The following ZFTA variants were observed in gnomAD, a reference collection of about 807,000 sequenced individuals.
ZFTA encodes the protein zinc finger translocation-associated protein.
A neutral mutation model predicts 41.8 loss-of-function variants in ZFTA; 35 were observed. The observed-to-expected ratio is 0.84, with a 90% CI of 0.64 to 1.11. The LOEUF (loss-of-function observed/expected upper bound fraction) is 1.11, where lower values mean the gene tolerates loss of function less well. ZFTA is among the 50% of genes most tolerant of loss of function. ZFTA has a pLI of 0.00. For missense variants in ZFTA, 964 were observed against 989.8 expected, an observed-to-expected ratio of 0.97 and a Z score of 0.35; for synonymous variants, 514 against 436.4, an observed-to-expected ratio of 1.18 and a Z score of -2.22.
At chr11:63,763,983 T>C in intron 4 of ZFTA, 55 bp downstream of exon 4, 1 of 1,306,260 alleles carries the variant, frequency 7.7e-7, no homozygotes, top group Non-Finnish European at 9.9e-7. Flanking sequence ...CAGTCCCTTC[T>C]GCCCCAGCAA....
At position 63,764,306 on chromosome 11, in the gene ZFTA, G is replaced by A. The variant is rs1246632092; in HGVS notation, c.1317C>T (p.Cys439=). 2.8e-6 allele frequency: 4 copies of A among 1,416,598 alleles called. No homozygotes were observed. Among genetic ancestry groups the A allele is most frequent in the Non-Finnish European group, 2.8e-6 (3 of 1,090,272 alleles). 87.8% of individuals were successfully genotyped at this position (1,416,598 alleles called of 1,614,324 possible). ...AGGCCAGCGCGCCCCCGCACACCCC[G>A]CACACCAGGCCGCGCCGGCCGCCGT... ...ELDGGRRGLV[C]GVCGGALASL... is the part of the protein sequence containing the mutation. Residue 439 remains cysteine (C), a synonymous_variant, in exon 4 of 5, where the codon TGC becomes TGT. Transcript: ENST00000433688.
At position 63,763,690 on chromosome 11, in the gene ZFTA, A is replaced by G; in HGVS notation, c.1765T>C (p.Tyr589His). The part of the protein sequence containing the change: ...RNYQPRWRGE[Y>H]LMDYDGSRRG... ...CGGCTGCCGTCGTAGTCCATCAGGT[A>G]CTCGCCCCGCCACCGCGGCTGGTAG... is the stretch of plus-strand genomic sequence containing the variant. Residue 589 changes from tyrosine to histidine, a missense_variant, in exon 5 of 5, where the codon TAC (tyrosine) becomes CAC (histidine). Coordinates refer to ENST00000433688, the MANE Select transcript of ZFTA (RefSeq NM_001144936.2). 1 of 1,527,842 alleles carries G rather than the reference A, an allele frequency of 6.5e-7. No homozygotes were observed. Among genetic ancestry groups the G allele is most frequent in the Non-Finnish European group, 8.8e-7 (1 of 1,134,610 alleles). The allele number at this position is 1,527,842 out of a possible 1,614,324, so 94.6% of individuals were successfully genotyped here. A position where few individuals can be genotyped will look rare whatever the true frequency, so the allele number is the denominator to read the frequency against.
rs1565058052 is a variant in ZFTA, at chr11:63,763,739, G to A, written c.1716C>T (p.Pro572=). 5 of 1,496,782 alleles carry A rather than the reference G, an allele frequency of 3.3e-6. No individual in the cohort carries two copies. Among genetic ancestry groups the A allele is most frequent in the East Asian group, 2.6e-5 (1 of 38,656 alleles). 92.7% of individuals were successfully genotyped at this position (1,496,782 alleles called of 1,614,324 possible). Reference sequence around the variant, plus strand: ...AGTTCCGCCGCTGCTCCCGGCTGCGGGGCGGGGGCGGAGGCGGGGGAGGAG... The same window carrying A: ...AGTTCCGCCGCTGCTCCCGGCTGCGAGGCGGGGGCGGAGGCGGGGGAGGAG... ...PPPPPPPPPP[P]RSREQRRNYQ... Residue 572 remains proline (P), a synonymous_variant, in exon 5 of 5, where the codon CCC becomes CCT. Transcript: ENST00000433688.
chr11:63,765,566 C>G lies in ZFTA; in HGVS notation c.637+241G>C, dbSNP rs2014731604. On this transcript the variant is annotated intron_variant, in intron 2 of 4. Transcript: ENST00000433688. The surrounding 1 kb of genome is among the most constrained non-coding windows in gnomAD (Gnocchi z 4.0). ...CTCCAAGCCTTTCCACTGCCTGTCACCCAACTTCTCTCCTTGATACTTCAA... is the reference window on the plus strand; with the variant it reads ...CTCCAAGCCTTTCCACTGCCTGTCAGCCAACTTCTCTCCTTGATACTTCAA... Among the ~76,000 whole-genome samples the G allele has an allele frequency of 6.6e-6, 1 of 152,158 alleles. No individual in the cohort carries two copies. Among genetic ancestry groups the G allele is most frequent in the South Asian group, 2.1e-4 (1 of 4,828 alleles).
chr11:63,768,068 G>A (rs1004672987), intron 1 of ZFTA, among the ~76,000 whole-genome samples: 7 of 152,144 alleles, frequency 4.6e-5, no homozygotes, highest in Non-Finnish European at 7.4e-5. Flanking sequence ...GCTCCGCTGG[G>A]GAAAAGCCCC....
Position 63,767,931 on chromosome 11 carries a change from G to T in ZFTA, c.139+553C>A, listed in dbSNP as rs555274747. Among the ~76,000 whole-genome samples the T allele has an allele frequency of 2.0e-5, 3 of 152,300 alleles. No homozygotes were observed. In the South Asian group the frequency reaches 6.2e-4, roughly 32 times the overall value. The stretch of plus-strand genomic sequence containing the variant: ...GTGGGAAAAGATGGTGTGGGCCCCC[G>T]GGGCGCAAGCGATGCACTTTCCTAG... On this transcript the variant is annotated intron_variant, in intron 1 of 4. Coordinates refer to ENST00000433688, the MANE Select transcript of ZFTA (RefSeq NM_001144936.2).
Position 63,761,207 on chromosome 11 carries a change from CAA to C in ZFTA, c.*2209_*2210del, listed in dbSNP as rs1233391343. 6.6e-6 allele frequency: 1 copy of C among 152,204 alleles called. No homozygotes were observed. Among genetic ancestry groups the C allele is most frequent in the African/African-American group, 2.4e-5 (1 of 41,454 alleles). The allele number at this position is 152,204 out of a possible 1,614,324, so 9.4% of individuals were successfully genotyped here. A position where few individuals can be genotyped will look rare whatever the true frequency, so the allele number is the denominator to read the frequency against. On this transcript the variant is annotated 3_prime_UTR_variant, in exon 5 of 5. Coordinates refer to ENST00000433688, the MANE Select transcript of ZFTA (RefSeq NM_001144936.2). The stretch of plus-strand genomic sequence containing the variant: ...TACTGTCTCAAAAACCGTGGAGGTT[CAA>C]ACTCACTGGGAATTTACTTTTCAGT...
rs1438995606 is a variant in ZFTA at position 63,762,633 on chromosome 11, A to C, written c.*785T>G. The C allele has an allele frequency of 1.3e-5, 2 of 152,260 alleles. No homozygotes were observed. The highest frequency in any genetic ancestry group is 2.9e-5 in the Non-Finnish European group (2 of 68,076). 9.4% of individuals were successfully genotyped at this position (152,260 alleles called of 1,614,324 possible). The stretch of plus-strand genomic sequence containing the variant: ...AGGGGTAAGCAGAGACCCTCGGGGC[A>C]AGAGGAGCAAAGGAAAAAAGTGCTA... On this transcript the variant is annotated 3_prime_UTR_variant, in exon 5 of 5. Coordinates refer to ENST00000433688, the MANE Select transcript of ZFTA (RefSeq NM_001144936.2).
In ZFTA at chr11:63,763,852, G is replaced by A; in HGVS notation, c.1603C>T (p.Pro535Ser). The A allele has an allele frequency of 1.4e-6, 2 of 1,428,322 alleles. No individual in the cohort carries two copies. Among genetic ancestry groups the A allele is most frequent in the Non-Finnish European group, 1.8e-6 (2 of 1,091,596 alleles). The allele number at this position is 1,428,322 out of a possible 1,614,324, so 88.5% of individuals were successfully genotyped here. Residue 535 changes from proline to serine, a missense_variant, in exon 5 of 5, where the codon CCT (proline) becomes TCT (serine). Physicochemically the swap from Pro to Ser is moderately conservative, Grantham distance 74. Transcript: ENST00000433688. ...EEEWGDVPLS[P>S]GAPLERPAEE... The stretch of plus-strand genomic sequence containing the variant: ...GCGGGCCGCTCCAAGGGAGCTCCAG[G>A]GGACAGCGGAACGTCGCCTAAGGAG...
In ZFTA at chr11:63,765,118, C is replaced by T; in HGVS notation, c.774G>A (p.Arg258=). 6.5e-6 allele frequency: 10 copies of T among 1,548,034 alleles called. No individual in the cohort carries two copies. The highest frequency in any genetic ancestry group is 2.4e-5 in the East Asian group (1 of 40,830). Reference sequence around the variant, plus strand: ...AGTTCTGCAGGGACTCCTTCAGCCTCCTCTCCAGGCGCCGGGCCCCCAGCC... The same window carrying T: ...AGTTCTGCAGGGACTCCTTCAGCCTTCTCTCCAGGCGCCGGGCCCCCAGCC... ...SRGLGARRLE[R]RLKESLQNWF... The change falls in exon 3 of 5, where the codon AGG becomes AGA. Residue 258 remains arginine (R), a synonymous_variant. Coordinates refer to ENST00000433688, the MANE Select transcript of ZFTA (RefSeq NM_001144936.2). This position sits in a 1 kb window ranked among gnomAD's most constrained non-coding sequence, Gnocchi z 4.0.
At position 63,763,480 on chromosome 11, in the gene ZFTA, G is replaced by A. The variant is rs1243966159; in HGVS notation, c.1975C>T (p.Pro659Ser). Residue 659 changes from proline (P) to serine (S), a missense_variant, in exon 5 of 5, where the codon CCC (proline) becomes TCC (serine). By Grantham distance (74) the Pro-to-Ser change is moderately conservative. Around this residue, in one of 5 missense-constraint regions of ZFTA, gnomAD observed 65 missense variants for 58.9 expected, o/e 1.10. Coordinates refer to ENST00000433688, the MANE Select transcript of ZFTA (RefSeq NM_001144936.2). ...CCGCCGTCACGCGGCGCCGGGGCGGGCGGCCCGAAGCCCTCGTGGCCGTAG... is the reference window on the plus strand; with the variant it reads ...CCGCCGTCACGCGGCGCCGGGGCGGACGGCCCGAAGCCCTCGTGGCCGTAG... ...RCYGHEGFGP[P>S]APAPRDGGAD... 1 of 1,513,278 alleles carries A rather than the reference G, an allele frequency of 6.6e-7. No individual in the cohort carries two copies. Among genetic ancestry groups the A allele is most frequent in the East Asian group, 2.6e-5 (1 of 38,004 alleles). 93.7% of individuals were successfully genotyped at this position (1,513,278 alleles called of 1,614,324 possible).
In ZFTA at chr11:63,761,808, G is replaced by A. The variant is rs1369454123; in HGVS notation, c.*1610C>T. On this transcript the variant is annotated 3_prime_UTR_variant, in exon 5 of 5. Coordinates refer to ENST00000433688, the MANE Select transcript of ZFTA (RefSeq NM_001144936.2). ...GAAGCGTCAAGGGGACTGGGCCTGA[G>A]GCACTTGAACCTTAGGCTCTGGCCT... The A allele has an allele frequency of 1.3e-5, 2 of 152,300 alleles. No individual in the cohort carries two copies. The highest frequency in any genetic ancestry group is 2.4e-5 in the African/African-American group (1 of 41,462). The allele number at this position is 152,300 out of a possible 1,614,324, so 9.4% of individuals were successfully genotyped here. A position where few individuals can be genotyped will look rare whatever the true frequency, so the allele number is the denominator to read the frequency against.
chr11:63,763,410 C>T lies in ZFTA; in HGVS notation c.*8G>A. On this transcript the variant is annotated 3_prime_UTR_variant, in exon 5 of 5. Coordinates refer to ENST00000433688, the MANE Select transcript of ZFTA (RefSeq NM_001144936.2). ...CGACCCGACCTGACCCGGGGGCCCGCTAGGCCGCTACGCCCGACACACAGC... is the reference window on the plus strand; with the variant it reads ...CGACCCGACCTGACCCGGGGGCCCGTTAGGCCGCTACGCCCGACACACAGC... The T allele has an allele frequency of 1.5e-6, 2 of 1,295,676 alleles. No individual in the cohort carries two copies. The highest frequency in any genetic ancestry group is 2.0e-6 in the Non-Finnish European group (2 of 1,019,840). 80.3% of individuals were successfully genotyped at this position (1,295,676 alleles called of 1,614,324 possible).
rs1477857713 is a variant in ZFTA, at chr11:63,764,320, G to A, written c.1303C>T (p.Arg435Cys). 7 of 1,382,360 alleles carry A rather than the reference G, an allele frequency of 5.1e-6. No individual in the cohort carries two copies. The highest frequency in any genetic ancestry group is 2.6e-4 in the Middle Eastern group (1 of 3,882). The allele number at this position is 1,382,360 out of a possible 1,614,324, so 85.6% of individuals were successfully genotyped here. ...CCGCACACCCCGCACACCAGGCCGCGCCGGCCGCCGTCCAACTCCATGAGG... is the reference window on the plus strand; with the variant it reads ...CCGCACACCCCGCACACCAGGCCGCACCGGCCGCCGTCCAACTCCATGAGG... ...EYLMELDGGR[R>C]GLVCGVCGGA... is the part of the protein sequence containing the mutation. The change falls in exon 4 of 5, where the codon CGC (arginine) becomes TGC (cysteine). Residue 435 changes from arginine (R) to cysteine (C), a missense_variant. Physicochemically the swap from Arg to Cys is radical, Grantham distance 180. This residue lies in a region of ZFTA where 584 missense variants were observed against 523.1 expected (regional missense o/e 1.12). Transcript: ENST00000433688.
rs1188877608 is a variant in ZFTA, at chr11:63,766,052, C to T, written c.392G>A (p.Ser131Asn). Residue 131 changes from serine (S) to asparagine (N), a missense_variant, in exon 2 of 5, where the codon AGC becomes AAC. By Grantham distance (46) the Ser-to-Asn change is conservative. Coordinates refer to ENST00000433688, the MANE Select transcript of ZFTA (RefSeq NM_001144936.2). ...GCTGAGCTTGAGGGTGGCCAGGGAG[C>T]TGCCGCACACCATGCACACCATGCC... Reference protein sequence around the residue: ...RHGMVCMVCGSSLATLKLSTI... With the variant: ...RHGMVCMVCGNSLATLKLSTI... The T allele has an allele frequency of 1.9e-6, 3 of 1,549,240 alleles. No individual in the cohort carries two copies. The highest frequency in any genetic ancestry group is 2.6e-6 in the Non-Finnish European group (3 of 1,145,724).
chr11:63,763,574 G>A lies in ZFTA; in HGVS notation c.1881C>T (p.Phe627=), dbSNP rs1404779111. 6.5e-7 allele frequency: 1 copy of A among 1,548,502 alleles called. No homozygotes were observed. ...GCTCCTCAGGCGTGAAGTCCATGGA[G>A]AAGGGGTGCACCTGCAGGATGTGGC... The part of the protein sequence containing the change: ...IKRHILQVHP[F]SMDFTPEERQ... The change falls in exon 5 of 5, where the codon TTC becomes TTT. Residue 627 remains phenylalanine, a synonymous_variant. Transcript: ENST00000433688.
rs779258954 is a variant in ZFTA at position 63,765,870 on chromosome 11, C to T, written c.574G>A (p.Glu192Lys). Residue 192 changes from glutamate to lysine, a missense_variant, in exon 2 of 5, where the codon GAG (glutamate) becomes AAG (lysine). Glu to Lys is a moderately conservative substitution (Grantham distance 56). This residue lies in a region of ZFTA where 141 missense variants were observed against 216.7 expected (regional missense o/e 0.65). Transcript: ENST00000433688. The surrounding 1 kb of genome is among the most constrained non-coding windows in gnomAD (Gnocchi z 4.0). ...LGVQGAEEEE[E>K]EEEEEEEEGA... ...TCCTCCTCCTCCTCTTCTTCCTCCT[C>T]CTCCTCCTCCTCAGCCCCCTGGACC... is the stretch of plus-strand genomic sequence containing the variant. 1 of 1,525,784 alleles carries T rather than the reference C, an allele frequency of 6.6e-7. No homozygotes were observed. Among genetic ancestry groups the T allele is most frequent in the Non-Finnish European group, 8.8e-7 (1 of 1,136,100 alleles). 94.5% of individuals were successfully genotyped at this position (1,525,784 alleles called of 1,614,324 possible).
intron 1 of ZFTA, 133 bp from the exon 2 acceptor site, chr11:63,766,437 C>T: frequency 4.9e-6 from 6 of 1,236,608 alleles, no homozygotes; most frequent in Middle Eastern, 2.1e-4. Flanking sequence ...ACGGCAACAG[C>T]AATAAAAGGG....
Position 63,764,031 on chromosome 11 carries a change from C to A in ZFTA, c.1585+7G>T. On this transcript the variant is annotated splice_region_variant and intron_variant, in intron 4 of 4. Coordinates refer to ENST00000433688, the MANE Select transcript of ZFTA (RefSeq NM_001144936.2). ...CCCTCTCCGCCTGCTCTGGCCCCACCGCTCACCCCACTCCTCCTCCTCCTC... is the reference window on the plus strand; with the variant it reads ...CCCTCTCCGCCTGCTCTGGCCCCACAGCTCACCCCACTCCTCCTCCTCCTC... 7.5e-7 allele frequency: 1 copy of A among 1,324,542 alleles called. No homozygotes were observed. The highest frequency in any genetic ancestry group is 1.9e-5 in the South Asian group (1 of 53,620). 82.0% of individuals were successfully genotyped at this position (1,324,542 alleles called of 1,614,324 possible). A position where few individuals can be genotyped will look rare whatever the true frequency, so the allele number is the denominator to read the frequency against.
Sources: allele counts gnomAD v4.1 joint callset (sites outside exome capture counted in the v4.1 genomes callset), GRCh38; gene constraint gnomAD v4.1.1; regional missense constraint gnomAD v4.1.1; non-coding constraint Gnocchi (gnomAD v3.1); transcripts MANE v1.5; gene names NCBI Gene and HGNC (gene_info 2026-07-23, HGNC 2026-07-21).